Variants in FAM53A observed in about 807,000 individuals in gnomAD.
FAM53A encodes the protein family with sequence similarity 53 member A.
A neutral mutation model predicts 26.6 loss-of-function variants in FAM53A; 28 were observed. That is an observed-to-expected ratio of 1.05 (90% confidence interval 0.78 to 1.45). FAM53A has a LOEUF of 1.45. Ranked by LOEUF, FAM53A falls within the 40% of genes most tolerant of loss-of-function variation. FAM53A has a pLI of 0.00. For synonymous variants in FAM53A, 290 were observed against 253.1 expected (o/e 1.15, Z -1.38); for missense variants, 650 against 575.8 (o/e 1.13, Z -1.32).
At position 1,641,014 on chromosome 4, in the gene FAM53A, G is replaced by A. The variant is rs566759284; in HGVS notation, c.*279C>T. ...TACTCTGTGCCCCAGGGCAGGTGCCGGTGGCAGCCGTGGCCCCGACCAGCT... is the reference window on the plus strand; with the variant it reads ...TACTCTGTGCCCCAGGGCAGGTGCCAGTGGCAGCCGTGGCCCCGACCAGCT... On this transcript the variant is annotated 3_prime_UTR_variant, in exon 5 of 5. Coordinates refer to ENST00000308132, the MANE Select transcript of FAM53A (RefSeq NM_001174070.3). The A allele has an allele frequency of 2.1e-5, 9 of 437,922 alleles. No individual in the cohort carries two copies. The highest frequency in any genetic ancestry group is 8.9e-5 in the South Asian group (4 of 45,122). 27.1% of individuals were successfully genotyped at this position (437,922 alleles called of 1,614,324 possible).
intron 1 of FAM53A, among the ~76,000 whole-genome samples, chr4:1,620,559 G>A (rs1270898801): frequency 1.3e-5 from 2 of 151,738 alleles, no homozygotes; most frequent in South Asian, 2.1e-4. Flanking sequence ...CACATAGGAC[G>A]CCTGTAATCC....
chr4:1,662,724 G>C (rs181522473), intron 2 of FAM53A, among the ~76,000 whole-genome samples: 85 of 151,312 alleles, frequency 5.6e-4, no homozygotes, highest in African/African-American at 2.1e-3. Flanking sequence ...GTAAAAATGG[G>C]ATTTCATTAG....
At chr4:1,627,149 C>T (rs1261995193) in intron 1 of FAM53A, among the ~76,000 whole-genome samples, 1 of 152,168 alleles carries the variant, frequency 6.6e-6, no homozygotes, top group Non-Finnish European at 1.5e-5. Context: ...TGGCCTTGCA[C>T]CCTCACACAC....
intron 1 of FAM53A, among the ~76,000 whole-genome samples, chr4:1,678,573 G>A (rs1715196732): frequency 1.3e-5 from 2 of 152,278 alleles, no homozygotes; most frequent in South Asian, 4.1e-4. Context: ...TGTAATCCTA[G>A]CACTTTGGGA....
At chr4:1,583,484 T>C in the FAM53A span, among the ~76,000 whole-genome samples, 1 of 152,330 alleles carries the variant, frequency 6.6e-6, no homozygotes, top group South Asian at 2.1e-4. Flanking sequence ...AGGAGGACAA[T>C]AATCTCTGGT....
Position 1,641,627 on chromosome 4 carries a change from G to T in FAM53A, c.883-20C>A, listed in dbSNP as rs756334699. 6.2e-6 allele frequency: 10 copies of T among 1,612,878 alleles called. No individual in the cohort carries two copies. Among genetic ancestry groups the T allele is most frequent in the Non-Finnish European group, 8.5e-6 (10 of 1,179,308 alleles). On this transcript the variant is annotated intron_variant, in intron 4 of 4. Transcript: ENST00000308132. ...TAAAGTCTGCAATAGAAAAGATACG[G>T]GCTTAAAGCATTTCTAGCAGATCAC...
intron 4 of FAM53A, among the ~76,000 whole-genome samples, chr4:1,646,859 C>T (rs963009545): frequency 2.3e-4 from 35 of 152,324 alleles, no homozygotes; most frequent in African/African-American, 7.0e-4. Flanking sequence ...TCTCCAGAGG[C>T]AGCTGAGCGC....
chr4:1,583,599 C>A, the FAM53A span, among the ~76,000 whole-genome samples: 1 of 152,250 alleles, frequency 6.6e-6, no homozygotes, highest in East Asian at 1.9e-4. Context: ...CACAACCCTC[C>A]CAGTCCTGCA....
the FAM53A span, among the ~76,000 whole-genome samples, chr4:1,611,054 G>A: frequency 1.3e-5 from 2 of 152,198 alleles, no homozygotes; most frequent in Non-Finnish European, 2.9e-5. Context: ...GGTGACCTCC[G>A]GCAGATCCTC....
the FAM53A span, among the ~76,000 whole-genome samples, chr4:1,576,190 T>A: frequency 1.4e-3 from 213 of 152,336 alleles, 1 homozygote; most frequent in Non-Finnish European, 2.3e-3. Flanking sequence ...GTCATAAAGA[T>A]CCCATTTAAT....
At position 1,674,871 on chromosome 4, in the gene FAM53A, C is replaced by A. The variant is rs76778691; in HGVS notation, c.-164-5966G>T. Among the ~76,000 whole-genome samples the A allele has an allele frequency of 1.2e-3, 182 of 152,288 alleles. 5 individuals carry two copies. In the East Asian group the frequency reaches 0.033, roughly 27 times the overall value. ...TCACGAGGCATGATGGACAGCAAGTCCCTCCCCCTTGGCAGTTCTGAGGCC... is the reference window on the plus strand; with the variant it reads ...TCACGAGGCATGATGGACAGCAAGTACCTCCCCCTTGGCAGTTCTGAGGCC... On this transcript the variant is annotated intron_variant, in intron 1 of 4. Coordinates refer to ENST00000308132, the MANE Select transcript of FAM53A (RefSeq NM_001174070.3).
chr4:1,649,842 T>C (rs62287689), intron 4 of FAM53A, among the ~76,000 whole-genome samples: 31,450 of 143,716 alleles, frequency 0.22, 3,969 homozygotes, highest in Middle Eastern at 0.3. Context: ...GTGGCTCAGG[T>C]GTGGTGTTTG....
downstream of FAM53A, among the ~76,000 whole-genome samples, chr4:1,617,702 G>A (rs1316940170): frequency 6.6e-6 from 1 of 151,986 alleles, no homozygotes. Context: ...TTTTAGGTCC[G>A]CTGGTGACAA....
At chr4:1,668,626 G>T in intron 2 of FAM53A, 41 bp downstream of exon 2, 1 of 1,611,130 alleles carries the variant, frequency 6.2e-7, no homozygotes, top group South Asian at 1.1e-5. Flanking sequence ...TGACAGCACG[G>T]GGGAGGGGCA....
the FAM53A span, among the ~76,000 whole-genome samples, chr4:1,579,504 C>T: frequency 6.6e-6 from 1 of 152,198 alleles, no homozygotes; most frequent in Non-Finnish European, 1.5e-5. Flanking sequence ...AGCCCAGCAC[C>T]CAGAAGTGCA....
intron 1 of FAM53A, among the ~76,000 whole-genome samples, chr4:1,629,008 G>A (rs1715488765): frequency 1.3e-5 from 2 of 151,898 alleles, no homozygotes; most frequent in Admixed American, 1.3e-4. Context: ...GTGACCGCGT[G>A]GTCTCCAGGA....
Position 1,657,432 on chromosome 4 carries a change from G to C in FAM53A, c.112C>G (p.Arg38Gly), listed in dbSNP as rs545677074. 1.9e-6 allele frequency: 3 copies of C among 1,613,800 alleles called. No homozygotes were observed. Among genetic ancestry groups the C allele is most frequent in the Non-Finnish European group, 2.5e-6 (3 of 1,179,854 alleles). ...YSAETLNKSG[R>G]LFPLELNDQS... Reference sequence around the variant, plus strand: ...CCGTTGAGCTCCAAAGGGAACAGACGACCGCTCTTGTTCAGGGTTTCCGCA... The same window carrying C: ...CCGTTGAGCTCCAAAGGGAACAGACCACCGCTCTTGTTCAGGGTTTCCGCA... The change falls in exon 3 of 5, where the codon CGT becomes GGT. Residue 38 changes from arginine (R) to glycine (G), a missense_variant. Transcript: ENST00000308132.
chr4:1,671,273 A>C (rs1714632774), intron 1 of FAM53A, among the ~76,000 whole-genome samples: 2 of 150,612 alleles, frequency 1.3e-5, no homozygotes, highest in African/African-American at 2.5e-5. Context: ...TCCCAGCGTC[A>C]GAGCCACCAG....
the FAM53A span, among the ~76,000 whole-genome samples, chr4:1,599,850 G>A: frequency 3.3e-5 from 5 of 152,218 alleles, no homozygotes; most frequent in Non-Finnish European, 7.4e-5. The surrounding 1 kb of genome is among the most constrained non-coding windows in gnomAD (Gnocchi z 6.1). Context: ...TGGCTCCCAG[G>A]AAAGAAAACG....
Sources: allele counts gnomAD v4.1 joint callset (sites outside exome capture counted in the v4.1 genomes callset), GRCh38; gene constraint gnomAD v4.1.1; non-coding constraint Gnocchi (gnomAD v3.1); transcripts MANE v1.5; gene names NCBI Gene and HGNC (gene_info 2026-07-23, HGNC 2026-07-21).